The following NME7 variants were observed in gnomAD, a reference collection of about 807,000 sequenced individuals.
The protein encoded by NME7 is nucleoside diphosphate kinase 7.
NME7 carries 41 observed loss-of-function variants against 49.1 expected under a neutral mutation model. The ratio of observed to expected loss-of-function variants is 0.83; its 90% CI spans 0.65 to 1.08. The LOEUF is 1.08. Ranked by LOEUF, NME7 falls within the 50% of genes least tolerant of loss-of-function variation. The pLI is 0.00. For missense variants in NME7, 423 were observed against 463.4 expected (o/e 0.91, Z 0.80); for synonymous variants, 139 against 150.6 (o/e 0.92, Z 0.56).
At chr1:169,229,818 C>G (rs1647520714) in intron 10 of NME7, among the ~76,000 whole-genome samples, 1 of 152,062 alleles carries the variant, frequency 6.6e-6, no homozygotes, top group South Asian at 2.1e-4. Flanking sequence ...AAAGATTAGC[C>G]AGGCGGGGTG....
At chr1:169,161,973 A>C (rs1030224223) in intron 11 of NME7, among the ~76,000 whole-genome samples, 1 of 152,064 alleles carries the variant, frequency 6.6e-6, no homozygotes, top group African/African-American at 2.4e-5. Context: ...TTTTTTTTAG[A>C]TATGCATTCC....
At chr1:169,331,230 T>C (rs1276764289) in intron 1 of NME7, among the ~76,000 whole-genome samples, 2 of 152,178 alleles carry the variant, frequency 1.3e-5, no homozygotes, top group Admixed American at 6.5e-5. Flanking sequence ...ATCATGTCCA[T>C]TGATGTTGTA....
At chr1:169,181,134 T>TATCTATCTATCTATC (rs1553243264) in intron 10 of NME7, among the ~76,000 whole-genome samples, 4 of 123,986 alleles carry the variant, frequency 3.2e-5, no homozygotes, top group Non-Finnish European at 7.9e-5. Context: ...TCCTATCTAT[T>TATCTATCTATCTATC]TATCTATCTA....
At chr1:169,346,105 T>C (rs1652943922) in intron 1 of NME7, among the ~76,000 whole-genome samples, 1 of 152,102 alleles carries the variant, frequency 6.6e-6, no homozygotes, top group African/African-American at 2.4e-5. Flanking sequence ...CCATACTCCC[T>C]CACCTAGATT....
chr1:169,252,942 C>T (rs1197745024), intron 7 of NME7, among the ~76,000 whole-genome samples: 1 of 149,146 alleles, frequency 6.7e-6, no homozygotes, highest in African/African-American at 2.5e-5. Context: ...GGTACCAGTA[C>T]CATGCTGTTT....
chr1:169,243,162 C>A (rs1648162789), intron 7 of NME7, among the ~76,000 whole-genome samples: 1 of 151,918 alleles, frequency 6.6e-6, no homozygotes, highest in Non-Finnish European at 1.5e-5. Flanking sequence ...ACTGCAATAA[C>A]CGAAAGATGG....
chr1:169,156,021 T>C (rs549309641), intron 11 of NME7, among the ~76,000 whole-genome samples: 2 of 152,158 alleles, frequency 1.3e-5, no homozygotes, highest in East Asian at 3.9e-4. Flanking sequence ...GCAATCCGTA[T>C]TTTTAAAAAG....
Position 169,273,461 on chromosome 1 carries a change from A to AT in NME7, c.754+13841dup, listed in dbSNP as rs200054713. 1.6e-4 allele frequency among the ~76,000 whole-genome samples: 21 copies of AT among 128,222 alleles called. 3 individuals are homozygous for AT. The highest frequency in any genetic ancestry group is 3.1e-4 in the African/African-American group (12 of 38,144). The allele number at this position is 128,222 out of a possible 152,430, so 84.1% of individuals were successfully genotyped here. A position where few individuals can be genotyped will look rare whatever the true frequency, so the allele number is the denominator to read the frequency against. The stretch of plus-strand genomic sequence containing the variant: ...CACTTTCTTTTCTATTTTTTTCTTA[A>AT]TTTTTTTTTATTATTATACTTTAAG... On this transcript the variant is annotated intron_variant, in intron 7 of 11. Coordinates refer to ENST00000367811, the MANE Select transcript of NME7 (RefSeq NM_013330.5).
chr1:169,226,018 A>G (rs957218234), intron 10 of NME7, among the ~76,000 whole-genome samples: 2 of 152,200 alleles, frequency 1.3e-5, no homozygotes, highest in African/African-American at 2.4e-5. Flanking sequence ...ACCAGGTGTT[A>G]GGTATATATA....
Position 169,270,470 on chromosome 1 carries a change from A to C in NME7, c.754+16833T>G, listed in dbSNP as rs953952084. Among the ~76,000 whole-genome samples the C allele has an allele frequency of 4.5e-5, 6 of 134,022 alleles. 1 individual carries two copies. Among genetic ancestry groups the C allele is most frequent in the African/African-American group, 1.5e-4 (6 of 39,668 alleles). The allele number at this position is 134,022 out of a possible 152,430, so 87.9% of individuals were successfully genotyped here. A position where few individuals can be genotyped will look rare whatever the true frequency, so the allele number is the denominator to read the frequency against. ...GACCTAGGCTTTAACTGGGGAAAAA[A>C]ATTAAAGCACTTTATTCCTTTAACA... On this transcript the variant is annotated intron_variant, in intron 7 of 11. Coordinates refer to ENST00000367811, the MANE Select transcript of NME7 (RefSeq NM_013330.5).
chr1:169,303,115 A>G (rs777152942), intron 5 of NME7, 30 bp downstream of exon 5: 2 of 1,461,988 alleles, frequency 1.4e-6, no homozygotes, highest in Non-Finnish European at 1.9e-6. Context: ...CCTCCTTTAC[A>G]TACCACTAAT....
At chr1:169,355,556 G>C (rs74121626) in intron 1 of NME7, among the ~76,000 whole-genome samples, 1 of 150,304 alleles carries the variant, frequency 6.7e-6, no homozygotes, top group African/African-American at 2.5e-5. Flanking sequence ...CAGTTACACT[G>C]GCCTTCTTGC....
intron 1 of NME7, among the ~76,000 whole-genome samples, chr1:169,332,700 G>C (rs967077887): frequency 6.6e-6 from 1 of 152,068 alleles, no homozygotes; most frequent in African/African-American, 2.4e-5. Context: ...CATACAAATG[G>C]AAAATAAGCA....
chr1:169,134,166 G>A (rs1658351018), intron 11 of NME7, among the ~76,000 whole-genome samples: 1 of 152,182 alleles, frequency 6.6e-6, no homozygotes, highest in Admixed American at 6.5e-5. Flanking sequence ...CCTACCATAT[G>A]CCAAGCATTC....
chr1:169,210,297 C>G (rs1660774247), intron 10 of NME7, among the ~76,000 whole-genome samples: 1 of 152,082 alleles, frequency 6.6e-6, no homozygotes, highest in African/African-American at 2.4e-5. Flanking sequence ...GAAGATATGC[C>G]TGAATATATG....
chr1:169,265,348 G>C (rs77764655), intron 7 of NME7, among the ~76,000 whole-genome samples: 2,581 of 133,346 alleles, frequency 0.019, 628 homozygotes, highest in South Asian at 0.037. Context: ...CCATACAATT[G>C]CATGGAAATT....
chr1:169,299,371 G>A (rs374435120), intron 5 of NME7, among the ~76,000 whole-genome samples: 7 of 152,090 alleles, frequency 4.6e-5, no homozygotes, highest in South Asian at 2.1e-4. Flanking sequence ...TGTACGCATC[G>A]GTTCTTGACT....
In NME7 at chr1:169,149,993, A is replaced by G. The variant is rs150258027; in HGVS notation, c.1099-17176T>C. ...TTGGGTCCCTTCATGATTCTTAATC[A>G]CTTCCATTCAATTATAAAATACTTA... On this transcript the variant is annotated intron_variant, in intron 11 of 11. Coordinates refer to ENST00000367811, the MANE Select transcript of NME7 (RefSeq NM_013330.5). Among the ~76,000 whole-genome samples the G allele has an allele frequency of 3.9e-5, 6 of 152,290 alleles. No individual in the cohort carries two copies. In the East Asian group the frequency reaches 1.2e-3, roughly 29 times the overall value.
At chr1:169,183,520 GGCCGGGCACA>G (rs1659980674) in intron 10 of NME7, among the ~76,000 whole-genome samples, 1 of 152,176 alleles carries the variant, frequency 6.6e-6, no homozygotes, top group Non-Finnish European at 1.5e-5. Flanking sequence ...GAAAAGCCCT[GGCCGGGCACA>G]GTGGCTCACG....
Sources: gnomAD v4.1 joint callset for allele counts (sites outside exome capture counted in the v4.1 genomes callset) on GRCh38, gnomAD v4.1.1 for gene constraint, MANE v1.5 for transcripts, NCBI Gene and HGNC (gene_info 2026-07-23, HGNC 2026-07-21) for gene names.